C17orf99: variants seen among roughly 807,000 people sequenced by gnomAD.
The protein encoded by C17orf99 is chromosome 17 open reading frame 99.
A neutral mutation model predicts 22.6 loss-of-function variants in C17orf99; 18 were observed. The observed-to-expected ratio is 0.80, with a 90% CI of 0.55 to 1.18. The LOEUF (loss-of-function observed/expected upper bound fraction) is 1.18. C17orf99 is among the 50% of genes most tolerant of loss of function. C17orf99 has a pLI of 0.00. For synonymous variants in C17orf99, 147 were observed against 136.6 expected, an observed-to-expected ratio of 1.08 and a Z score of -0.53; for missense variants, 328 against 342.7, an observed-to-expected ratio of 0.96 and a Z score of 0.34.
intron 2 of C17orf99, chr17:78,159,087 G>C (rs776899707): frequency 6.3e-6 from 1 of 158,830 alleles, no homozygotes; most frequent in African/African-American, 2.4e-5. Flanking sequence ...CTCTCTCCCC[G>C]ACACATTTGT....
chr17:78,151,275 A>G (rs540338841), intron 2 of C17orf99, among the ~76,000 whole-genome samples: 10 of 151,076 alleles, frequency 6.6e-5, no homozygotes, highest in African/African-American at 2.4e-4. Context: ...AAATGCAACA[A>G]TCAGCCAGGT....
Position 78,157,520 on chromosome 17 carries a change from C to T in C17orf99, c.71-3435C>T, listed in dbSNP as rs373874722. 199 of 1,125,978 alleles carry T rather than the reference C, an allele frequency of 1.8e-4. 1 individual carries two copies. In the South Asian group the frequency reaches 2.1e-3, roughly 12 times the overall value. 69.7% of individuals were successfully genotyped at this position (1,125,978 alleles called of 1,614,324 possible). ...ATTGTGTAAAAATGACTTTGTAGGC[C>T]GGGCGCGGTGGCTCACGCCCGTAAT... On this transcript the variant is annotated intron_variant, in intron 2 of 4. Coordinates refer to ENST00000340363, the MANE Select transcript of C17orf99 (RefSeq NM_001163075.2).
chr17:78,151,379 G>A lies in C17orf99; in HGVS notation c.70+4468G>A, dbSNP rs577205464. Among the ~76,000 whole-genome samples, 128 of 140,162 alleles carry A rather than the reference G, an allele frequency of 9.1e-4. 1 individual carries two copies. The highest frequency in any genetic ancestry group is 3.4e-3 in the African/African-American group (121 of 36,050). The allele number at this position is 140,162 out of a possible 152,430, so 92.0% of individuals were successfully genotyped here. On this transcript the variant is annotated intron_variant, in intron 2 of 4. Transcript: ENST00000340363. ...GCGGAGGTTGCAGTGAGCCGAGATC[G>A]TGCCACTGCACTCCAGCCTGAGCGA...
In C17orf99 at chr17:78,161,118, C is replaced by A. The variant is rs201222675; in HGVS notation, c.234C>A (p.His78Gln). 2,877 of 1,551,650 alleles carry A rather than the reference C, an allele frequency of 1.9e-3. 6 individuals are homozygous for A. The highest frequency in any genetic ancestry group is 2.3e-3 in the Non-Finnish European group (2,602 of 1,147,012). ...TGGCCAAGAAGGTGGTGAAGACCCA[C>A]GAGCCGGCCTCCTTCAACCTCAACG... Reference protein sequence around the residue: ...IKVAKKVVKTHEPASFNLNVT... With the variant: ...IKVAKKVVKTQEPASFNLNVT... The change falls in exon 3 of 5, where the codon CAC becomes CAA. Residue 78 changes from histidine to glutamine, a missense_variant. By Grantham distance (24) the His-to-Gln change is conservative. Coordinates refer to ENST00000340363, the MANE Select transcript of C17orf99 (RefSeq NM_001163075.2).
chr17:78,150,029 G>C (rs1488820052), intron 2 of C17orf99, among the ~76,000 whole-genome samples: 1 of 140,570 alleles, frequency 7.1e-6, no homozygotes, highest in African/African-American at 2.7e-5. Context: ...TTTTTTTTGA[G>C]ACAGGGTCTT....
At chr17:78,160,057 G>A (rs745962390) in intron 2 of C17orf99, 2 of 456,046 alleles carry the variant, frequency 4.4e-6, no homozygotes, top group Non-Finnish European at 8.8e-6. Context: ...TTGAGTCCCT[G>A]TTTTCTATTA....
chr17:78,153,918 CTTTTTTTTTTTT>C (rs532705146), intron 2 of C17orf99, among the ~76,000 whole-genome samples: 1 of 79,542 alleles, frequency 1.3e-5, no homozygotes, highest in African/African-American at 5.5e-5. Context: ...AGTATTCCTT[CTTTTTTTTTTTT>C]TTTTTTTTTT....
chr17:78,159,972 T>C (rs878933765), intron 2 of C17orf99: 13 of 438,726 alleles, frequency 3.0e-5, no homozygotes, highest in South Asian at 2.1e-4. Flanking sequence ...CGTCCATTGA[T>C]AGATATTTGG....
intron 2 of C17orf99, among the ~76,000 whole-genome samples, chr17:78,151,847 G>C (rs868166714): frequency 6.6e-6 from 1 of 152,158 alleles, no homozygotes. Flanking sequence ...CTTATTCAAA[G>C]TCAGATCTCA....
chr17:78,163,276 G>A (rs2075591936), intron 3 of C17orf99, among the ~76,000 whole-genome samples: 1 of 151,956 alleles, frequency 6.6e-6, no homozygotes, highest in African/African-American at 2.4e-5. Context: ...CCTACTTCAG[G>A]GGACCTATTA....
chr17:78,159,748 A>G (rs916999121), intron 2 of C17orf99, among the ~76,000 whole-genome samples: 4 of 151,780 alleles, frequency 2.6e-5, no homozygotes, highest in African/African-American at 9.7e-5. Flanking sequence ...CCTGGGCCCC[A>G]GTAACCACCA....
intron 2 of C17orf99, chr17:78,157,578 C>A: frequency 1.6e-6 from 1 of 643,982 alleles, no homozygotes; most frequent in South Asian, 1.7e-5. Flanking sequence ...GCAGGCGGAT[C>A]ACAAGGTCAG....
At chr17:78,161,546 C>T (rs1216534289) in intron 3 of C17orf99, among the ~76,000 whole-genome samples, 1 of 152,064 alleles carries the variant, frequency 6.6e-6, no homozygotes, top group Non-Finnish European at 1.5e-5. Flanking sequence ...GTTGTCAGCT[C>T]GGACCTCAAG....
At chr17:78,156,403 T>C (rs944744686) in intron 2 of C17orf99, among the ~76,000 whole-genome samples, 1 of 151,196 alleles carries the variant, frequency 6.6e-6, no homozygotes, top group Non-Finnish European at 1.5e-5. Flanking sequence ...TCAGAGATGT[T>C]TTCCACAATG....
chr17:78,159,843 T>G (rs935557843), intron 2 of C17orf99, among the ~76,000 whole-genome samples: 3 of 152,196 alleles, frequency 2.0e-5, no homozygotes, highest in Admixed American at 1.3e-4. Flanking sequence ...TGCGTCTGCC[T>G]TTTTGTTTAG....
At chr17:78,156,855 C>G (rs536152760) in intron 2 of C17orf99, among the ~76,000 whole-genome samples, 1 of 151,998 alleles carries the variant, frequency 6.6e-6, no homozygotes, top group Non-Finnish European at 1.5e-5. Context: ...TCAAGCAATC[C>G]GTCCACCTCA....
In C17orf99 at chr17:78,164,267, C is replaced by T; in HGVS notation, c.543C>T (p.Asn181=). 1 of 1,551,500 alleles carries T rather than the reference C, an allele frequency of 6.4e-7. No individual in the cohort carries two copies. The highest frequency in any genetic ancestry group is 8.7e-7 in the Non-Finnish European group (1 of 1,147,018). ...QQRPCHRQPA[N]FSFLPSQTSD... ...GACCATGCCACAGGCAGCCTGCCAA[C>T]TTCTCCTTCCTGCCGAGCCAGACAT... is the stretch of plus-strand genomic sequence containing the variant. Residue 181 remains asparagine, a synonymous_variant, in exon 4 of 5, where the codon AAC becomes AAT. Coordinates refer to ENST00000340363, the MANE Select transcript of C17orf99 (RefSeq NM_001163075.2).
chr17:78,145,944 C>T (rs770514820), upstream of C17orf99, among the ~76,000 whole-genome samples: 27 of 152,114 alleles, frequency 1.8e-4, no homozygotes, highest in South Asian at 4.1e-4. Flanking sequence ...TACAGGCGCA[C>T]GCCACCACGC....
At chr17:78,159,708 A>G (rs531356121) in intron 2 of C17orf99, among the ~76,000 whole-genome samples, 11 of 151,970 alleles carry the variant, frequency 7.2e-5, no homozygotes, top group African/African-American at 1.7e-4. Flanking sequence ...CCCCGTATCT[A>G]TTAGGCAGTT....
Sources: allele counts gnomAD v4.1 joint callset (sites outside exome capture counted in the v4.1 genomes callset), GRCh38; gene constraint gnomAD v4.1.1; transcripts MANE v1.5; gene names NCBI Gene and HGNC (gene_info 2026-07-23, HGNC 2026-07-21).